The following ERBB4 variants were observed in gnomAD, a reference collection of about 807,000 sequenced individuals.
The protein encoded by ERBB4 is receptor tyrosine-protein kinase erbB-4.
In ERBB4, 42 loss-of-function variants were observed where a neutral mutation model predicts 158.0. The observed-to-expected ratio is 0.27, with a 90% CI of 0.21 to 0.34. The LOEUF is 0.34. Ranked by LOEUF, ERBB4 falls within the 10% of genes least tolerant of loss-of-function variation. The probability of loss-of-function intolerance (pLI) is 1.00; values close to 1 mark genes in which losing one functional copy is unlikely to be tolerated. For missense variants in ERBB4, 1,333 were observed against 1,624.1 expected, an observed-to-expected ratio of 0.82 and a Z score of 3.08; for synonymous variants, 583 against 558.7, an observed-to-expected ratio of 1.04 and a Z score of -0.61.
chr2:212,279,826 T>A (rs1387056811), intron 1 of ERBB4, among the ~76,000 whole-genome samples: 1 of 151,592 alleles, frequency 6.6e-6, no homozygotes, highest in Non-Finnish European at 1.5e-5. Context: ...CTAGAGAAAG[T>A]CTTTAAATTA....
At chr2:211,797,785 A>T (rs2076413567) in intron 3 of ERBB4, among the ~76,000 whole-genome samples, 1 of 152,006 alleles carries the variant, frequency 6.6e-6, no homozygotes, top group Admixed American at 6.6e-5. Flanking sequence ...CCATACTGGA[A>T]GATTATTTTA....
intron 20 of ERBB4, among the ~76,000 whole-genome samples, chr2:211,478,224 T>C (rs1245535703): frequency 6.6e-6 from 1 of 152,176 alleles, no homozygotes; most frequent in African/African-American, 2.4e-5. Context: ...CAATAGTCTA[T>C]GCCAGCATTG....
At chr2:212,501,243 G>C (rs1392947513) in intron 1 of ERBB4, among the ~76,000 whole-genome samples, 1 of 152,132 alleles carries the variant, frequency 6.6e-6, no homozygotes, top group Non-Finnish European at 1.5e-5. Flanking sequence ...AGCATGAAAA[G>C]AATGTTTCCC....
chr2:211,868,593 T>C (rs540475137), intron 3 of ERBB4, among the ~76,000 whole-genome samples: 1 of 152,314 alleles, frequency 6.6e-6, no homozygotes, highest in East Asian at 1.9e-4. Flanking sequence ...TGATCATTTT[T>C]GTGTTATTTT....
chr2:211,425,977 C>T (rs749758655), intron 22 of ERBB4, among the ~76,000 whole-genome samples: 5 of 152,018 alleles, frequency 3.3e-5, no homozygotes, highest in South Asian at 2.1e-4. Context: ...AGACACCGTG[C>T]GGGGCCTAGA....
chr2:212,094,345 A>T (rs1467634517), intron 2 of ERBB4, among the ~76,000 whole-genome samples: 1 of 147,964 alleles, frequency 6.8e-6, no homozygotes, highest in East Asian at 2.0e-4. Context: ...AAGCTCCTTT[A>T]AATATGAATA....
At chr2:212,196,928 T>C (rs572893554) in intron 1 of ERBB4, among the ~76,000 whole-genome samples, 2 of 152,280 alleles carry the variant, frequency 1.3e-5, no homozygotes, top group African/African-American at 4.8e-5. Flanking sequence ...ATACCATATG[T>C]CACGCCTCAC....
chr2:212,293,173 TTAAA>T (rs2086272404), intron 1 of ERBB4, among the ~76,000 whole-genome samples: 1 of 151,976 alleles, frequency 6.6e-6, no homozygotes, highest in Non-Finnish European at 1.5e-5. Context: ...AAAAATCTAC[TTAAA>T]TATATTTCCA....
chr2:212,375,504 T>C (rs538609414), intron 1 of ERBB4, among the ~76,000 whole-genome samples: 2 of 152,218 alleles, frequency 1.3e-5, no homozygotes, highest in Non-Finnish European at 2.9e-5. Context: ...GTTTAGAAGT[T>C]ACATCAATAG....
intron 25 of ERBB4, among the ~76,000 whole-genome samples, chr2:211,400,368 A>G (rs1157813712): frequency 2.6e-5 from 4 of 152,158 alleles, no homozygotes; most frequent in African/African-American, 9.7e-5. Context: ...TATCCCTCAC[A>G]CAAAATCAAC....
intron 5 of ERBB4, among the ~76,000 whole-genome samples, chr2:211,736,905 A>G (rs1280628648): frequency 6.6e-6 from 1 of 152,168 alleles, no homozygotes; most frequent in Non-Finnish European, 1.5e-5. Flanking sequence ...GCTTTTATGC[A>G]TGATTAATAT....
intron 20 of ERBB4, among the ~76,000 whole-genome samples, chr2:211,539,452 T>C (rs942613666): frequency 6.6e-6 from 1 of 152,044 alleles, no homozygotes; most frequent in Non-Finnish European, 1.5e-5. Context: ...CACATCTGCG[T>C]CTTTTTGTGC....
rs537894513 is a variant in ERBB4 at position 212,176,394 on chromosome 2, G to A, written c.83-51491C>T. 6.5e-4 allele frequency among the ~76,000 whole-genome samples: 99 copies of A among 152,032 alleles called. 1 individual carries two copies. The Middle Eastern group carries it at 0.01, about 16-fold the overall frequency. The stretch of plus-strand genomic sequence containing the variant: ...GATTAATGTCCTTACAGGAGAAAAA[G>A]ACCAGAGCTTACTCACTCTCCACCC... On this transcript the variant is annotated intron_variant, in intron 1 of 27. Coordinates refer to ENST00000342788, the MANE Select transcript of ERBB4 (RefSeq NM_005235.3).
chr2:211,481,771 A>C (rs1299183339), intron 20 of ERBB4, among the ~76,000 whole-genome samples: 2 of 152,258 alleles, frequency 1.3e-5, no homozygotes, highest in Admixed American at 1.3e-4. Context: ...TGGAAAATTG[A>C]AACTAGATAT....
At chr2:212,413,069 G>A (rs773787474) in intron 1 of ERBB4, among the ~76,000 whole-genome samples, 15 of 150,266 alleles carry the variant, frequency 1.0e-4, no homozygotes, top group South Asian at 2.1e-4. Context: ...CTAGGATCAC[G>A]CAATTCTCCT....
At chr2:212,168,510 A>G (rs935592927) in intron 1 of ERBB4, among the ~76,000 whole-genome samples, 2 of 152,170 alleles carry the variant, frequency 1.3e-5, no homozygotes, top group African/African-American at 4.8e-5. Context: ...AGAGAAAGAC[A>G]TACATTTCAT....
chr2:211,781,206 T>C (rs915854166), intron 4 of ERBB4, among the ~76,000 whole-genome samples: 15 of 152,232 alleles, frequency 9.9e-5, no homozygotes, highest in African/African-American at 3.4e-4. Context: ...TCAAGAAAGC[T>C]AGTTATATGT....
chr2:212,016,189 T>C (rs1239313925), intron 2 of ERBB4, among the ~76,000 whole-genome samples: 1 of 151,830 alleles, frequency 6.6e-6, no homozygotes, highest in Non-Finnish European at 1.5e-5. Context: ...ATATGCCCCC[T>C]ACTTGGTTTT....
Position 212,338,847 on chromosome 2 carries a change from C to T in ERBB4, c.82+199602G>A, listed in dbSNP as rs145009221. On this transcript the variant is annotated intron_variant, in intron 1 of 27. Transcript: ENST00000342788. ...GGAGAAATTCAGGACAACGCATACA[C>T]GGTAACACGAAATTAATTATACAAA... 8.5e-5 allele frequency among the ~76,000 whole-genome samples: 13 copies of T among 152,200 alleles called. No individual in the cohort carries two copies. The East Asian group carries it at 1.4e-3, about 16-fold the overall frequency.
Sources: allele counts gnomAD v4.1 joint callset (sites outside exome capture counted in the v4.1 genomes callset), GRCh38; gene constraint gnomAD v4.1.1; transcripts MANE v1.5; gene names NCBI Gene and HGNC (gene_info 2026-07-23, HGNC 2026-07-21).